The following MYRIP variants were observed in gnomAD, a reference collection of about 807,000 sequenced individuals.
MYRIP encodes the protein myosin VIIA and Rab interacting protein.
A neutral mutation model predicts 98.0 loss-of-function variants in MYRIP; 49 were observed. The observed-to-expected ratio is 0.50, with a 90% CI of 0.40 to 0.63. MYRIP has a LOEUF of 0.63. Among genes scored for constraint, MYRIP ranks in the 30% least tolerant of loss-of-function variants. The probability of loss-of-function intolerance (pLI) is 0.00; values close to 1 mark genes in which losing one functional copy is unlikely to be tolerated. For synonymous variants in MYRIP, 404 were observed against 409.5 expected (o/e 0.99, Z 0.16); for missense variants, 1,004 against 1,058.2 (o/e 0.95, Z 0.71).
intron 3 of MYRIP, among the ~76,000 whole-genome samples, chr3:40,144,364 A>C (rs947991376): frequency 3.4e-4 from 52 of 152,238 alleles, no homozygotes; most frequent in African/African-American, 1.2e-3. Context: ...CTGAGTCATG[A>C]GACCACCACC....
intron 2 of MYRIP, among the ~76,000 whole-genome samples, chr3:39,928,322 T>C (rs1192284600): frequency 6.6e-6 from 1 of 150,428 alleles, no homozygotes; most frequent in Non-Finnish European, 1.5e-5. Flanking sequence ...ATTTATTCCA[T>C]AAAACTAGTA....
intron 13 of MYRIP, chr3:40,248,554 T>A (rs1197129432): frequency 6.6e-6 from 1 of 152,234 alleles, no homozygotes; most frequent in African/African-American, 2.4e-5. Flanking sequence ...TTGTCCTTTG[T>A]CCTATGGACT....
At chr3:40,155,679 C>T (rs538550589) in intron 4 of MYRIP, among the ~76,000 whole-genome samples, 1 of 151,808 alleles carries the variant, frequency 6.6e-6, no homozygotes, top group Non-Finnish European at 1.5e-5. Flanking sequence ...TTAATGATTG[C>T]CATTCTAACT....
chr3:39,919,693 GGTGT>G (rs62719862), intron 2 of MYRIP, among the ~76,000 whole-genome samples: 6,429 of 143,190 alleles, frequency 0.045, 199 homozygotes, highest in African/African-American at 0.085. Flanking sequence ...GGGTATGTGT[GGTGT>G]GTGTGTGTGT....
intron 2 of MYRIP, among the ~76,000 whole-genome samples, chr3:40,043,556 A>G (rs550318045): frequency 5.3e-5 from 8 of 152,252 alleles, no homozygotes; most frequent in Non-Finnish European, 1.0e-4. Flanking sequence ...TAGAATCCTT[A>G]TTAACTCATA....
intron 3 of MYRIP, among the ~76,000 whole-genome samples, chr3:40,078,060 G>T (rs1382852649): frequency 1.3e-5 from 2 of 152,246 alleles, no homozygotes; most frequent in South Asian, 4.1e-4. Context: ...TGCAGGTCCC[G>T]AGCCCTGCCC....
At position 39,878,971 on chromosome 3, in the gene MYRIP, C is replaced by T. The variant is rs542697724; in HGVS notation, c.-30-21816C>T. Reference sequence around the variant, plus strand: ...GTCCCAGCTACTTGGGAGGCTGAGGCAGGAGAATCACTTGAACCTGGGAGG... The same window carrying T: ...GTCCCAGCTACTTGGGAGGCTGAGGTAGGAGAATCACTTGAACCTGGGAGG... On this transcript the variant is annotated intron_variant, in intron 1 of 16. Coordinates refer to ENST00000302541, the MANE Select transcript of MYRIP (RefSeq NM_015460.4). Among the ~76,000 whole-genome samples, 5 of 151,598 alleles carry T rather than the reference C, an allele frequency of 3.3e-5. No individual in the cohort carries two copies. The South Asian group carries it at 1.0e-3, about 32-fold the overall frequency.
intron 12 of MYRIP, among the ~76,000 whole-genome samples, chr3:40,242,025 T>C (rs1381240512): frequency 1.3e-5 from 2 of 152,164 alleles, no homozygotes; most frequent in Non-Finnish European, 2.9e-5. Flanking sequence ...TATCACAGCA[T>C]CATAGGGCAA....
chr3:40,232,822 T>C (rs1290983785), intron 11 of MYRIP: 2 of 152,222 alleles, frequency 1.3e-5, no homozygotes, highest in African/African-American at 4.8e-5. Context: ...AAGCTGGAAG[T>C]GACCTGTGTC....
At chr3:40,086,822 T>C (rs1948636899) in intron 3 of MYRIP, among the ~76,000 whole-genome samples, 1 of 151,728 alleles carries the variant, frequency 6.6e-6, no homozygotes, top group African/African-American at 2.4e-5. Context: ...CAGAACTGGG[T>C]TCAGAGAAGA....
upstream of MYRIP, chr3:39,808,988 C>G (rs1450650707): frequency 6.6e-6 from 1 of 152,202 alleles, no homozygotes; most frequent in African/African-American, 2.4e-5. Context: ...ATCGGTAACC[C>G]CTTTGATGTG....
At chr3:40,229,674 T>C (rs1559466426) in intron 11 of MYRIP, among the ~76,000 whole-genome samples, 3 of 152,218 alleles carry the variant, frequency 2.0e-5, no homozygotes, top group African/African-American at 7.2e-5. Flanking sequence ...ACCAGTGTGC[T>C]TCTCCTCATC....
chr3:40,026,234 G>T (rs563770773), intron 2 of MYRIP, among the ~76,000 whole-genome samples: 1 of 152,104 alleles, frequency 6.6e-6, no homozygotes, highest in African/African-American at 2.4e-5. Flanking sequence ...TTGCACGTCT[G>T]TTTGTAGGCT....
chr3:39,825,451 A>G (rs541552845), intron 1 of MYRIP, among the ~76,000 whole-genome samples: 16 of 152,244 alleles, frequency 1.1e-4, no homozygotes, highest in African/African-American at 3.9e-4. Context: ...TCAGATAATC[A>G]TATATTATAG....
intron 2 of MYRIP, among the ~76,000 whole-genome samples, chr3:39,976,203 G>GA (rs200362308): frequency 2.7e-4 from 41 of 150,266 alleles, no homozygotes; most frequent in African/African-American, 3.7e-4. Context: ...AAATTTAAAA[G>GA]AAAAAAAAAC....
chr3:39,828,227 T>TC (rs1287738786), intron 1 of MYRIP, among the ~76,000 whole-genome samples: 1 of 152,122 alleles, frequency 6.6e-6, no homozygotes, highest in Non-Finnish European at 1.5e-5. Flanking sequence ...AATGTGACTA[T>TC]TTATTTGCTT....
intron 2 of MYRIP, among the ~76,000 whole-genome samples, chr3:39,977,393 C>T (rs552566830): frequency 2.0e-5 from 3 of 152,216 alleles, no homozygotes; most frequent in Admixed American, 6.5e-5. Flanking sequence ...AATTCACATG[C>T]CCCCCAGTTG....
At chr3:40,029,431 C>G (rs534268962) in intron 2 of MYRIP, among the ~76,000 whole-genome samples, 1 of 152,120 alleles carries the variant, frequency 6.6e-6, no homozygotes, top group African/African-American at 2.4e-5. Context: ...AGCAGTGAGC[C>G]CTGCTCATGT....
At chr3:39,963,273 T>C (rs940158182) in intron 2 of MYRIP, among the ~76,000 whole-genome samples, 3 of 152,146 alleles carry the variant, frequency 2.0e-5, no homozygotes, top group African/African-American at 7.2e-5. Flanking sequence ...CTGTTTCTTC[T>C]CCCTGTTGGG....
Sources: allele counts gnomAD v4.1 joint callset (sites outside exome capture counted in the v4.1 genomes callset), GRCh38; gene constraint gnomAD v4.1.1; transcripts MANE v1.5; gene names NCBI Gene and HGNC (gene_info 2026-07-23, HGNC 2026-07-21).